IKBKB-DT: variants seen among roughly 807,000 people sequenced by gnomAD.
The protein encoded by IKBKB-DT is IKBKB antisense RNA.
chr8:42,258,188 T>A (rs1807232705), intron 3 of IKBKB-DT, among the ~76,000 whole-genome samples: 2 of 152,204 alleles, frequency 1.3e-5, no homozygotes, highest in South Asian at 4.1e-4. Context: ...AACTCTAGTT[T>A]TAGATTGTAC....
At chr8:42,262,310 C>T (rs550363398) in intron 3 of IKBKB-DT, among the ~76,000 whole-genome samples, 17 of 150,058 alleles carry the variant, frequency 1.1e-4, no homozygotes, top group Non-Finnish European at 2.2e-4. Context: ...TAAAAGATGA[C>T]CACTTTATTT....
At chr8:42,242,103 T>C (rs925499959) in intron 3 of IKBKB-DT, among the ~76,000 whole-genome samples, 2 of 152,076 alleles carry the variant, frequency 1.3e-5, no homozygotes, top group Non-Finnish European at 2.9e-5. Flanking sequence ...TAATCTCAGC[T>C]ACTCAGGAGG....
At chr8:42,237,889 G>T (rs1806945219) in intron 3 of IKBKB-DT, among the ~76,000 whole-genome samples, 1 of 151,778 alleles carries the variant, frequency 6.6e-6, no homozygotes, top group African/African-American at 2.4e-5. Context: ...GCTGGGTGTG[G>T]TAGTGCATGC....
intron 3 of IKBKB-DT, among the ~76,000 whole-genome samples, chr8:42,235,998 A>AGCCTG (rs1296157305): frequency 6.6e-6 from 1 of 152,200 alleles, no homozygotes; most frequent in Non-Finnish European, 1.5e-5. Context: ...ACTGCCCTCC[A>AGCCTG]GCCTGGTGAC....
intron 3 of IKBKB-DT, among the ~76,000 whole-genome samples, chr8:42,257,269 C>T (rs768246206): frequency 1.2e-4 from 18 of 151,936 alleles, no homozygotes; most frequent in Non-Finnish European, 2.2e-4. Flanking sequence ...TTTGGGAGGC[C>T]GAGGCAGGCG....
chr8:42,261,943 G>C (rs116051885), intron 3 of IKBKB-DT, among the ~76,000 whole-genome samples: 3,548 of 152,306 alleles, frequency 0.023, 147 homozygotes, highest in African/African-American at 0.081. Context: ...GGATAATCTG[G>C]GCGCCTCAGC....
chr8:42,255,031 C>T (rs539259722), intron 3 of IKBKB-DT, among the ~76,000 whole-genome samples: 107 of 151,096 alleles, frequency 7.1e-4, no homozygotes, highest in African/African-American at 2.5e-3. Flanking sequence ...GTGAGGAGCG[C>T]GTCTGCCCAG....
At chr8:42,259,995 CAA>C (rs1227705573) in intron 3 of IKBKB-DT, among the ~76,000 whole-genome samples, 2 of 104,544 alleles carry the variant, frequency 1.9e-5, no homozygotes, top group East Asian at 5.3e-4. Flanking sequence ...AAAAAAAAAA[CAA>C]AAAAAAAAGA....
At chr8:42,243,046 G>A (rs1464145079) in intron 3 of IKBKB-DT, among the ~76,000 whole-genome samples, 2 of 152,182 alleles carry the variant, frequency 1.3e-5, no homozygotes, top group East Asian at 1.9e-4. Context: ...CTTTGCTCTC[G>A]GAGTAGAAAG....
At chr8:42,243,464 ATC>A (rs1585461009) in intron 3 of IKBKB-DT, among the ~76,000 whole-genome samples, 3 of 152,230 alleles carry the variant, frequency 2.0e-5, no homozygotes, top group Admixed American at 6.5e-5. Flanking sequence ...TTGGTTACAG[ATC>A]TGTGTTCTCA....
At chr8:42,271,221 C>T (rs768349441) in exon 1 of IKBKB-DT, 15 of 645,382 alleles carry the variant, frequency 2.3e-5, no homozygotes, top group African/African-American at 3.7e-5. Flanking sequence ...CCGGGACAGG[C>T]GCAGCACTCG....
intron 3 of IKBKB-DT, among the ~76,000 whole-genome samples, chr8:42,248,689 G>A (rs903315395): frequency 6.6e-6 from 1 of 151,786 alleles, no homozygotes; most frequent in Non-Finnish European, 1.5e-5. Flanking sequence ...GGCCAGCCTG[G>A]CCAACATGGT....
rs141523511 is a variant in IKBKB-DT at position 42,245,551 on chromosome 8, G to A, written n.1530-11692C>T. Reference sequence around the variant, plus strand: ...GAATCACACAGCCAGGCAGAGTAACGCAGGTTCTGTCTGAACACACTTGGC... The same window carrying A: ...GAATCACACAGCCAGGCAGAGTAACACAGGTTCTGTCTGAACACACTTGGC... On this transcript the variant is annotated intron_variant and non_coding_transcript_variant, in intron 3 of 3. Coordinates refer to ENST00000518213, the Ensembl canonical transcript of IKBKB-DT. Among the ~76,000 whole-genome samples the A allele has an allele frequency of 4.8e-4, 73 of 152,330 alleles. 3 individuals carry two copies. The highest frequency in any genetic ancestry group is 4.4e-3 in the East Asian group (23 of 5,184).
chr8:42,250,292 A>G (rs1807115580), intron 3 of IKBKB-DT, among the ~76,000 whole-genome samples: 1 of 152,118 alleles, frequency 6.6e-6, no homozygotes, highest in South Asian at 2.1e-4. Context: ...TGGTGGATCC[A>G]GGTGGAGCCA....
chr8:42,263,810 G>GT (rs200333960), intron 2 of IKBKB-DT, among the ~76,000 whole-genome samples: 4,781 of 152,122 alleles, frequency 0.031, 102 homozygotes, highest in Non-Finnish European at 0.042. Flanking sequence ...ATGGAGACGC[G>GT]TTTTTTTGTT....
chr8:42,234,786 C>A (rs553734557), intron 3 of IKBKB-DT, among the ~76,000 whole-genome samples: 3 of 152,070 alleles, frequency 2.0e-5, no homozygotes, highest in Non-Finnish European at 4.4e-5. Flanking sequence ...TCCACCATCA[C>A]GCCTGACTAA....
At chr8:42,269,190 C>T (rs113772742) in intron 1 of IKBKB-DT, among the ~76,000 whole-genome samples, 3 of 150,966 alleles carry the variant, frequency 2.0e-5, no homozygotes, top group South Asian at 2.1e-4. Flanking sequence ...CATGGTGGCA[C>T]GTGCCTGTAA....
chr8:42,237,917 C>T (rs944545579), intron 3 of IKBKB-DT, among the ~76,000 whole-genome samples: 20 of 150,080 alleles, frequency 1.3e-4, no homozygotes, highest in Admixed American at 1.0e-3. Context: ...CCCAGCTACT[C>T]CAGAGGCTGA....
chr8:42,234,694 A>G (rs982326050), intron 3 of IKBKB-DT, among the ~76,000 whole-genome samples: 2 of 151,958 alleles, frequency 1.3e-5, no homozygotes, highest in East Asian at 3.9e-4. Flanking sequence ...CAGTGGTGCA[A>G]TCTTGGCTCA....
Sources: allele counts gnomAD v4.1 joint callset (sites outside exome capture counted in the v4.1 genomes callset), GRCh38; gene constraint gnomAD v4.1.1; transcripts MANE v1.5; gene names NCBI Gene and HGNC (gene_info 2026-07-23, HGNC 2026-07-21).